Variants in LINGO2 observed in about 807,000 individuals in gnomAD.
LINGO2 encodes leucine rich repeat and Ig domain containing 2, also known as leucine-rich repeat and immunoglobulin-like domain-containing nogo receptor-interacting protein 2.
Under a neutral mutation model 30.6 loss-of-function variants are expected in LINGO2, and 14 were observed. The ratio of observed to expected loss-of-function variants is 0.46; its 90% confidence interval spans 0.30 to 0.72. The LOEUF (loss-of-function observed/expected upper bound fraction) is 0.72. Among genes scored for constraint, LINGO2 ranks in the 30% least tolerant of loss-of-function variants. LINGO2 has a pLI of 0.07. For missense variants in LINGO2, 729 were observed against 751.7 expected (o/e 0.97, Z 0.35); for synonymous variants, 317 against 288.5 (o/e 1.10, Z -1.00).
chr9:28,978,110 A>G, the LINGO2 span, among the ~76,000 whole-genome samples: 1 of 152,224 alleles, frequency 6.6e-6, no homozygotes, highest in South Asian at 2.1e-4. Flanking sequence ...AATCTTTTCC[A>G]TTTCCACTAT....
intron 4 of LINGO2, among the ~76,000 whole-genome samples, chr9:28,028,519 T>C (rs949951393): frequency 5.3e-5 from 8 of 152,102 alleles, no homozygotes; most frequent in African/African-American, 1.7e-4. Flanking sequence ...TATAACAATA[T>C]ACATAATATA....
intron 4 of LINGO2, among the ~76,000 whole-genome samples, chr9:28,177,689 A>AAAAG (rs1219549440): frequency 1.3e-5 from 2 of 152,186 alleles, no homozygotes; most frequent in Admixed American, 1.3e-4. Flanking sequence ...TAAATAAATA[A>AAAAG]AAAGAAAGAA....
At chr9:28,022,510 C>G (rs1304644852) in intron 4 of LINGO2, among the ~76,000 whole-genome samples, 2 of 152,128 alleles carry the variant, frequency 1.3e-5, no homozygotes, top group African/African-American at 4.8e-5. Context: ...TGAAATCCCT[C>G]AGCTTTTGCT....
At chr9:28,483,365 A>G (rs1458642056) in intron 1 of LINGO2, among the ~76,000 whole-genome samples, 1 of 152,060 alleles carries the variant, frequency 6.6e-6, no homozygotes, top group Admixed American at 6.6e-5. Context: ...AACCTAAGAC[A>G]TTGCAGGTGG....
At chr9:29,163,883 A>G in the LINGO2 span, among the ~76,000 whole-genome samples, 1 of 152,160 alleles carries the variant, frequency 6.6e-6, no homozygotes, top group Admixed American at 6.5e-5. Context: ...AACCCTGTTA[A>G]CTGCTAATCA....
At chr9:28,028,245 G>C (rs1023451322) in intron 4 of LINGO2, among the ~76,000 whole-genome samples, 1 of 152,154 alleles carries the variant, frequency 6.6e-6, no homozygotes, top group Non-Finnish European at 1.5e-5. Flanking sequence ...GAAGGCTTCA[G>C]GTTGGTAGAC....
chr9:28,404,532 T>C (rs1328679863), intron 2 of LINGO2, among the ~76,000 whole-genome samples: 1 of 152,170 alleles, frequency 6.6e-6, no homozygotes, highest in Non-Finnish European at 1.5e-5. Flanking sequence ...TGTATGTGAT[T>C]ATATTCAAAA....
intron 3 of LINGO2, among the ~76,000 whole-genome samples, chr9:28,333,875 C>A (rs13296009): frequency 0.18 from 27,008 of 151,962 alleles, 3,041 homozygotes; most frequent in Non-Finnish European, 0.25. Context: ...ATTTGAAAAG[C>A]GCAAAGGAAA....
intron 4 of LINGO2, among the ~76,000 whole-genome samples, chr9:28,195,702 C>T (rs913046278): frequency 1.3e-5 from 2 of 151,386 alleles, no homozygotes; most frequent in African/African-American, 2.4e-5. Context: ...AACATCTCCC[C>T]ATTCCAATAA....
At chr9:28,473,096 T>A (rs1348287247) in intron 2 of LINGO2, among the ~76,000 whole-genome samples, 1 of 152,154 alleles carries the variant, frequency 6.6e-6, no homozygotes, top group Non-Finnish European at 1.5e-5. Context: ...GGTCTTGTTA[T>A]TTTTTTCTTT....
At chr9:29,201,510 C>T in the LINGO2 span, among the ~76,000 whole-genome samples, 4 of 151,928 alleles carry the variant, frequency 2.6e-5, no homozygotes, top group African/African-American at 7.2e-5. Flanking sequence ...GTTTAAACTA[C>T]AATAGTCAAT....
chr9:28,583,631 T>C (rs1165411166), intron 1 of LINGO2, among the ~76,000 whole-genome samples: 2 of 152,046 alleles, frequency 1.3e-5, no homozygotes, highest in Non-Finnish European at 2.9e-5. Flanking sequence ...TTGATGGACA[T>C]ACTACAAATA....
At chr9:27,957,935 G>A (rs79872400) in intron 5 of LINGO2, among the ~76,000 whole-genome samples, 24,326 of 151,990 alleles carry the variant, frequency 0.16, 3,194 homozygotes, top group African/African-American at 0.35. Context: ...TTTCCTTTCT[G>A]ATTTGTATAC....
chr9:29,116,071 A>C, the LINGO2 span, among the ~76,000 whole-genome samples: 1 of 152,040 alleles, frequency 6.6e-6, no homozygotes, highest in Non-Finnish European at 1.5e-5. Context: ...TTGAGTAGAA[A>C]TCAGAGGATA....
chr9:28,940,865 C>G, the LINGO2 span, among the ~76,000 whole-genome samples: 1 of 152,010 alleles, frequency 6.6e-6, no homozygotes, highest in African/African-American at 2.4e-5. Flanking sequence ...CTAAACACAT[C>G]AAGATTTTGA....
the LINGO2 span, among the ~76,000 whole-genome samples, chr9:28,872,582 A>G: frequency 6.6e-6 from 1 of 152,184 alleles, no homozygotes; most frequent in Non-Finnish European, 1.5e-5. Context: ...GATTCCATCA[A>G]GTTTGGTACA....
At chr9:28,451,390 T>C (rs1274983566) in intron 2 of LINGO2, among the ~76,000 whole-genome samples, 1 of 151,854 alleles carries the variant, frequency 6.6e-6, no homozygotes, top group Non-Finnish European at 1.5e-5. Flanking sequence ...GTTTAAACAA[T>C]GGCATTGAAT....
chr9:28,952,802 G>T, the LINGO2 span, among the ~76,000 whole-genome samples: 2 of 152,146 alleles, frequency 1.3e-5, no homozygotes, highest in African/African-American at 4.8e-5. Flanking sequence ...CTGAGCCTCA[G>T]ATCAAAACGC....
chr9:28,143,495 A>G (rs1389494869), intron 4 of LINGO2, among the ~76,000 whole-genome samples: 1 of 152,182 alleles, frequency 6.6e-6, no homozygotes, highest in African/African-American at 2.4e-5. Context: ...CAGGATCAGA[A>G]CAGTACAATA....
Sources: allele counts gnomAD v4.1 joint callset (sites outside exome capture counted in the v4.1 genomes callset), GRCh38; gene constraint gnomAD v4.1.1; transcripts MANE v1.5; gene names NCBI Gene and HGNC (gene_info 2026-07-23, HGNC 2026-07-21).